GRAMD2B: variants seen among roughly 807,000 people sequenced by gnomAD.
GRAMD2B encodes the protein GRAM domain-containing protein 2B.
GRAMD2B carries 41 observed loss-of-function variants against 59.2 expected under a neutral mutation model. That is an observed-to-expected ratio of 0.69 (90% confidence interval 0.54 to 0.90). The LOEUF (loss-of-function observed/expected upper bound fraction) is 0.90, where lower values mean the gene tolerates loss of function less well. GRAMD2B is among the 40% of genes least tolerant of loss of function. The probability of loss-of-function intolerance (pLI) is 0.00; values close to 1 mark genes in which losing one functional copy is unlikely to be tolerated. For missense variants in GRAMD2B, 424 were observed against 500.5 expected (o/e 0.85, Z 1.46); for synonymous variants, 161 against 182.7 (o/e 0.88, Z 0.96).
chr5:126,382,843 G>T (rs932599403), intron 1 of GRAMD2B, among the ~76,000 whole-genome samples: 1 of 152,130 alleles, frequency 6.6e-6, no homozygotes, highest in Non-Finnish European at 1.5e-5. Context: ...AAGATCTGGG[G>T]CTCAAGGGCT....
intron 1 of GRAMD2B, among the ~76,000 whole-genome samples, chr5:126,438,241 T>C (rs529316722): frequency 1.3e-4 from 20 of 152,254 alleles, no homozygotes; most frequent in African/African-American, 4.8e-4. Context: ...GCGAAGTCAA[T>C]GAAAAGTTTT....
At chr5:126,399,159 G>A (rs1309096760) in intron 1 of GRAMD2B, among the ~76,000 whole-genome samples, 1 of 152,128 alleles carries the variant, frequency 6.6e-6, no homozygotes, top group South Asian at 2.1e-4. Context: ...TCAATTTTCT[G>A]TTTGGGTGCT....
intron 2 of GRAMD2B, among the ~76,000 whole-genome samples, chr5:126,467,013 G>A (rs1278867609): frequency 6.6e-6 from 1 of 152,138 alleles, no homozygotes; most frequent in Non-Finnish European, 1.5e-5. Flanking sequence ...AAGGGGGCCA[G>A]GCACGGTGGC....
intron 8 of GRAMD2B, among the ~76,000 whole-genome samples, chr5:126,481,280 G>A (rs970042673): frequency 1.3e-5 from 2 of 150,992 alleles, no homozygotes; most frequent in African/African-American, 4.9e-5. Flanking sequence ...TAATGCCCAA[G>A]TGACAGGTAA....
chr5:126,485,770 T>C lies in GRAMD2B; in HGVS notation c.1055T>C (p.Ile352Thr), dbSNP rs371967155. 2.2e-5 allele frequency: 35 copies of C among 1,583,132 alleles called. No individual in the cohort carries two copies. Among genetic ancestry groups the C allele is most frequent in the Non-Finnish European group, 2.9e-5 (34 of 1,155,340 alleles). ...CACCATATTCTTATATTCTATGCAATTGTGTAAGTACATGAATTTACTGTG... is the reference window on the plus strand; with the variant it reads ...CACCATATTCTTATATTCTATGCAACTGTGTAAGTACATGAATTTACTGTG... The part of the protein sequence containing the change: ...MLHHILIFYA[I>T]VVCALIISTF... The change falls in exon 11 of 14, where the codon ATT becomes ACT. Residue 352 changes from isoleucine (I) to threonine (T), a missense_variant. By Grantham distance (89) the Ile-to-Thr change is moderately conservative (BLOSUM62 -1). Coordinates refer to ENST00000285689, the MANE Select transcript of GRAMD2B (RefSeq NM_023927.4).
intron 1 of GRAMD2B, among the ~76,000 whole-genome samples, chr5:126,413,657 T>TA (rs1759021515): frequency 6.6e-6 from 1 of 152,192 alleles, no homozygotes; most frequent in Non-Finnish European, 1.5e-5. Context: ...ATGTCTTTGT[T>TA]AGTTTTCTGC....
At chr5:126,425,554 C>T (rs1440603723) in intron 1 of GRAMD2B, among the ~76,000 whole-genome samples, 1 of 152,120 alleles carries the variant, frequency 6.6e-6, no homozygotes, top group Non-Finnish European at 1.5e-5. Flanking sequence ...ATCACTTGAG[C>T]CCAGGAATTT....
upstream of GRAMD2B, among the ~76,000 whole-genome samples, chr5:126,422,130 G>A (rs1186837883): frequency 6.6e-6 from 1 of 151,676 alleles, no homozygotes; most frequent in African/African-American, 2.4e-5. Flanking sequence ...CTGCAGCCCA[G>A]AACAGCTGTG....
intron 1 of GRAMD2B, among the ~76,000 whole-genome samples, chr5:126,375,599 T>C (rs545156493): frequency 1.3e-5 from 2 of 152,268 alleles, no homozygotes; most frequent in Admixed American, 1.3e-4. Flanking sequence ...CTCGATCTCC[T>C]GACCTCGTGA....
At chr5:126,422,268 C>T (rs555616682), upstream of GRAMD2B, among the ~76,000 whole-genome samples, 41 of 150,724 alleles carry the variant, frequency 2.7e-4, no homozygotes, top group Non-Finnish European at 5.0e-4. Flanking sequence ...TGCATCTTGG[C>T]CCACCACAAC....
At position 126,469,662 on chromosome 5, in the gene GRAMD2B, ACTTT is replaced by A. The variant is rs750249360; in HGVS notation, c.204-6_204-3del. ...AAAAATTATCTTATAGACACCCTGG[ACTTT>A]CTTTCTTTAGGTCAAAATCCAGTTT... On this transcript the variant is annotated splice_polypyrimidine_tract_variant and intron_variant, in intron 2 of 13. Transcript: ENST00000285689. 8 of 1,558,130 alleles carry A rather than the reference ACTTT, an allele frequency of 5.1e-6. No individual in the cohort carries two copies. The highest frequency in any genetic ancestry group is 3.4e-5 in the Admixed American group (2 of 59,154).
At position 126,494,031 on chromosome 5, in the gene GRAMD2B, GTA is replaced by G. The variant is rs948469380; in HGVS notation, c.*1077_*1078del. On this transcript the variant is annotated 3_prime_UTR_variant, in exon 14 of 14. Transcript: ENST00000285689. ...CATTTGATAATCATTTCTATGAAAT[GTA>G]TTTTATTTAATCAGATAAGCTAATA... is the stretch of plus-strand genomic sequence containing the variant. 2.6e-5 allele frequency: 4 copies of G among 152,622 alleles called. No homozygotes were observed. The highest frequency in any genetic ancestry group is 9.7e-5 in the African/African-American group (4 of 41,444). 9.5% of individuals were successfully genotyped at this position (152,622 alleles called of 1,614,324 possible).
intron 6 of GRAMD2B, among the ~76,000 whole-genome samples, chr5:126,478,841 G>A (rs1450050938): frequency 2.0e-5 from 3 of 152,168 alleles, no homozygotes; most frequent in African/African-American, 7.2e-5. Context: ...TTCCTGGTGT[G>A]GGGGTGGCCA....
chr5:126,488,057 TC>T (rs1773277066), intron 12 of GRAMD2B, among the ~76,000 whole-genome samples: 1 of 152,214 alleles, frequency 6.6e-6, no homozygotes, highest in Non-Finnish European at 1.5e-5. Flanking sequence ...GTTATACCAT[TC>T]TAGGACCTTT....
rs139209871 is a variant in GRAMD2B at position 126,424,942 on chromosome 5, T to C, written c.83+1253T>C. Among the ~76,000 whole-genome samples, 121 of 152,330 alleles carry C rather than the reference T, an allele frequency of 7.9e-4. 1 individual carries two copies. In the East Asian group the frequency reaches 0.023, roughly 29 times the overall value. On this transcript the variant is annotated intron_variant, in intron 1 of 13. Coordinates refer to ENST00000285689, the MANE Select transcript of GRAMD2B (RefSeq NM_023927.4). ...GCCCAGGTCTCCTAACTTTACAGCA[T>C]GAACTTAGAACCACTATGCTGTACA...
intron 2 of GRAMD2B, among the ~76,000 whole-genome samples, chr5:126,468,004 T>C (rs931320187): frequency 6.6e-6 from 1 of 152,202 alleles, no homozygotes; most frequent in African/African-American, 2.4e-5. Context: ...TGTTCTTAAA[T>C]CCACTTTGAA....
At chr5:126,487,636 C>T (rs775303298) in intron 12 of GRAMD2B, among the ~76,000 whole-genome samples, 9 of 152,214 alleles carry the variant, frequency 5.9e-5, no homozygotes, top group Non-Finnish European at 1.3e-4. Context: ...TATTTCCTGA[C>T]AGAGTATTCA....
At chr5:126,403,114 A>G (rs1757975315) in intron 1 of GRAMD2B, among the ~76,000 whole-genome samples, 1 of 151,992 alleles carries the variant, frequency 6.6e-6, no homozygotes, top group Non-Finnish European at 1.5e-5. Context: ...CCAGTTCTAC[A>G]TCTCTCTGAA....
Position 126,488,811 on chromosome 5 carries a change from A to G in GRAMD2B, c.1176A>G (p.Pro392=). The G allele has an allele frequency of 6.2e-7, 1 of 1,613,102 alleles. No individual in the cohort carries two copies. The highest frequency in any genetic ancestry group is 8.5e-7 in the Non-Finnish European group (1 of 1,179,198). Residue 392 remains proline, a synonymous_variant, in exon 13 of 14, where the codon CCA becomes CCG. Transcript: ENST00000285689. ...TTTTTTCTTACAGACAGGCAGCACC[A>G]TCTGGCCTGAGGTCACAAGTACAAT... is the stretch of plus-strand genomic sequence containing the variant. The part of the protein sequence containing the change: ...VDTHNTEQAA[P]SGLRSQVQFN...
Sources: allele counts gnomAD v4.1 joint callset (sites outside exome capture counted in the v4.1 genomes callset), GRCh38; gene constraint gnomAD v4.1.1; transcripts MANE v1.5; gene names NCBI Gene and HGNC (gene_info 2026-07-23, HGNC 2026-07-21).